Variants in HSF2BP observed in about 807,000 individuals in gnomAD.
The protein encoded by HSF2BP is heat shock factor 2-binding protein.
HSF2BP carries 35 observed loss-of-function variants against 35.0 expected under a neutral mutation model. The ratio of observed to expected loss-of-function variants is 1.00; its 90% CI spans 0.76 to 1.32. The LOEUF (loss-of-function observed/expected upper bound fraction) is 1.32, where lower values mean the gene tolerates loss of function less well. Ranked by LOEUF, HSF2BP falls within the 40% of genes most tolerant of loss-of-function variation. The pLI is 0.00. For synonymous variants in HSF2BP, 114 were observed against 117.4 expected (o/e 0.97, Z 0.18); for missense variants, 326 against 321.7 (o/e 1.01, Z -0.10).
chr21:43,593,036 A>G (rs1484505754), intron 7 of HSF2BP, among the ~76,000 whole-genome samples: 1 of 152,232 alleles, frequency 6.6e-6, no homozygotes, highest in African/African-American at 2.4e-5. Flanking sequence ...CCTTTGAAAT[A>G]ATGAATGAAT....
intron 6 of HSF2BP, among the ~76,000 whole-genome samples, chr21:43,625,086 A>T (rs2082373455): frequency 6.6e-6 from 1 of 152,180 alleles, no homozygotes; most frequent in South Asian, 2.1e-4. Flanking sequence ...GAAATTTAAC[A>T]ATTTCAAGGT....
At chr21:43,585,927 T>C (rs1244791342) in intron 8 of HSF2BP, among the ~76,000 whole-genome samples, 1 of 152,188 alleles carries the variant, frequency 6.6e-6, no homozygotes, top group African/African-American at 2.4e-5. Context: ...TGTGGAGATA[T>C]CAAGTAGACA....
At chr21:43,595,525 G>A (rs2081973499) in intron 7 of HSF2BP, among the ~76,000 whole-genome samples, 1 of 151,794 alleles carries the variant, frequency 6.6e-6, no homozygotes, top group South Asian at 2.1e-4. Flanking sequence ...GGGCATGATG[G>A]CACGCCCCTG....
chr21:43,606,201 G>C (rs1050736991), intron 7 of HSF2BP, among the ~76,000 whole-genome samples: 4 of 152,250 alleles, frequency 2.6e-5, no homozygotes, highest in African/African-American at 9.6e-5. Context: ...AGTGGGAGCT[G>C]AGAAAGGACA....
chr21:43,656,901 A>T (rs528091301), intron 2 of HSF2BP, among the ~76,000 whole-genome samples, 164 bp from the exon 3 acceptor site: 2 of 152,346 alleles, frequency 1.3e-5, no homozygotes, highest in East Asian at 3.9e-4. Context: ...TGTACATACA[A>T]ACATTTTGAA....
chr21:43,655,566 A>G (rs1031847882), intron 3 of HSF2BP, among the ~76,000 whole-genome samples: 1 of 152,186 alleles, frequency 6.6e-6, no homozygotes, highest in East Asian at 1.9e-4. Context: ...GGAGGGATGC[A>G]GCTACTGCCA....
intron 6 of HSF2BP, among the ~76,000 whole-genome samples, chr21:43,627,025 G>A (rs753270634): frequency 2.5e-4 from 38 of 151,966 alleles, no homozygotes; most frequent in Non-Finnish European, 4.3e-4. Context: ...GCGCCACCAC[G>A]CCTGGCTAAT....
intron 7 of HSF2BP, among the ~76,000 whole-genome samples, chr21:43,613,629 G>A (rs1025221177): frequency 7.9e-5 from 12 of 152,154 alleles, no homozygotes; most frequent in African/African-American, 2.7e-4. Context: ...TTGCTCTAAG[G>A]TGAGAACATT....
intron 6 of HSF2BP, among the ~76,000 whole-genome samples, 185 bp from the exon 7 acceptor site, chr21:43,614,132 G>A (rs569015021): frequency 6.6e-6 from 1 of 152,260 alleles, no homozygotes; most frequent in African/African-American, 2.4e-5. Context: ...GAGAGACTGA[G>A]GTGGGAGGAC....
At chr21:43,601,920 G>C (rs963138425) in intron 7 of HSF2BP, among the ~76,000 whole-genome samples, 1 of 152,104 alleles carries the variant, frequency 6.6e-6, no homozygotes, top group South Asian at 2.1e-4. Flanking sequence ...AGTTACTAAA[G>C]CTTTGACTGG....
intron 8 of HSF2BP, among the ~76,000 whole-genome samples, chr21:43,589,922 T>G (rs2081905214): frequency 6.6e-6 from 1 of 152,108 alleles, no homozygotes; most frequent in Non-Finnish European, 1.5e-5. Flanking sequence ...AATGCAAAAC[T>G]ATAAAACTAC....
At chr21:43,643,554 C>T (rs1389639252) in intron 4 of HSF2BP, among the ~76,000 whole-genome samples, 1 of 152,174 alleles carries the variant, frequency 6.6e-6, no homozygotes, top group Non-Finnish European at 1.5e-5. Flanking sequence ...CAGCCAGCTC[C>T]CCTTCTGTCA....
chr21:43,632,403 C>CCA (rs1486868788), intron 5 of HSF2BP, among the ~76,000 whole-genome samples: 59 of 120,396 alleles, frequency 4.9e-4, no homozygotes, highest in Non-Finnish European at 8.9e-4. Context: ...ACACACTCCC[C>CCA]CACACACACA....
At chr21:43,658,966 G>C (rs575829691) in intron 1 of HSF2BP, among the ~76,000 whole-genome samples, 6 of 152,220 alleles carry the variant, frequency 3.9e-5, no homozygotes, top group Non-Finnish European at 5.9e-5. Flanking sequence ...TCGCAGGTAA[G>C]CTGCTGGCTC....
At chr21:43,657,655 A>T (rs1456809885) in intron 2 of HSF2BP, among the ~76,000 whole-genome samples, 2 of 152,242 alleles carry the variant, frequency 1.3e-5, no homozygotes. Context: ...CATCGCATGC[A>T]ATCAGTTACA....
chr21:43,649,117 T>C (rs756217444), intron 3 of HSF2BP, among the ~76,000 whole-genome samples: 11 of 152,088 alleles, frequency 7.2e-5, no homozygotes, highest in East Asian at 1.9e-4. Flanking sequence ...TGCAGTGGCA[T>C]GATCTCAACT....
Position 43,658,123 on chromosome 21 carries a change from C to T in HSF2BP, c.-27G>A. On this transcript the variant is annotated 5_prime_UTR_variant, in exon 2 of 9. Coordinates refer to ENST00000291560, the MANE Select transcript of HSF2BP (RefSeq NM_007031.2). Reference sequence around the variant, plus strand: ...GCCGCTGCCGCCTCCGCTCCGTTCGCCTGAGCGTCGGCGCGCCCTCTGACC... The same window carrying T: ...GCCGCTGCCGCCTCCGCTCCGTTCGTCTGAGCGTCGGCGCGCCCTCTGACC... The T allele has an allele frequency of 6.6e-7, 1 of 1,518,812 alleles. No individual in the cohort carries two copies. Among genetic ancestry groups the T allele is most frequent in the Non-Finnish European group, 8.8e-7 (1 of 1,136,918 alleles). The allele number at this position is 1,518,812 out of a possible 1,614,324, so 94.1% of individuals were successfully genotyped here. A position where few individuals can be genotyped will look rare whatever the true frequency, so the allele number is the denominator to read the frequency against.
intron 2 of HSF2BP, 88 bp from the exon 3 acceptor site, chr21:43,656,825 C>T: frequency 1.9e-6 from 2 of 1,056,724 alleles, no homozygotes; most frequent in East Asian, 4.7e-5. Context: ...TTTCACACCT[C>T]TTATGTGCAT....
chr21:43,602,415 C>G (rs1004879678), intron 7 of HSF2BP, among the ~76,000 whole-genome samples: 1 of 152,202 alleles, frequency 6.6e-6, no homozygotes, highest in Non-Finnish European at 1.5e-5. Flanking sequence ...ATACCATCAC[C>G]CTCATTTGCC....
Sources: gnomAD v4.1 joint callset for allele counts (sites outside exome capture counted in the v4.1 genomes callset) on GRCh38, gnomAD v4.1.1 for gene constraint, MANE v1.5 for transcripts, NCBI Gene and HGNC (gene_info 2026-07-23, HGNC 2026-07-21) for gene names.